STAG2: variants seen among roughly 807,000 people sequenced by gnomAD.
The protein encoded by STAG2 is STAG2 cohesin complex component.
STAG2 carries 14 observed loss-of-function variants against 108.1 expected under a neutral mutation model. That is an observed-to-expected ratio of 0.13 (90% CI 0.09 to 0.20). STAG2 has a LOEUF of 0.20. Ranked by LOEUF, STAG2 falls within the 10% of genes least tolerant of loss-of-function variation. STAG2 has a pLI of 1.00. For synonymous variants in STAG2, 307 were observed against 302.7 expected, an observed-to-expected ratio of 1.01 and a Z score of -0.15; for missense variants, 440 against 940.9, an observed-to-expected ratio of 0.47 and a Z score of 6.96.
intron 13 of STAG2, among the ~76,000 whole-genome samples, chrX:124,054,845 C>G (rs2058147950): frequency 9.0e-6 from 1 of 111,612 alleles, no homozygotes; most frequent in Admixed American, 9.5e-5. Context: ...CAGCCTCGCC[C>G]TCCCAGGCTC....
chrX:124,071,940 A>G (rs17330700), intron 25 of STAG2, among the ~76,000 whole-genome samples: 19,980 of 110,844 alleles, frequency 0.18, 1,433 homozygotes, highest in East Asian at 0.39. Context: ...TTACTTTAGC[A>G]TGAGGTTATG....
intron 4 of STAG2, among the ~76,000 whole-genome samples, chrX:124,028,140 A>C (rs1339960675): frequency 9.0e-6 from 1 of 111,578 alleles, no homozygotes; most frequent in African/African-American, 3.3e-5. Flanking sequence ...CTGGGGACAA[A>C]AGCCTTTCAT....
At position 124,092,369 on chromosome X, in the gene STAG2, A is replaced by G. The variant is rs2059272276; in HGVS notation, c.3578+1405A>G. On this transcript the variant is annotated intron_variant, in intron 32 of 34. Coordinates refer to ENST00000371145, the MANE Select transcript of STAG2 (RefSeq NM_001042750.2). ...CACATTCCTTTTAATATAAGTTCTT[A>G]TTTTATGCTGGATCCTACAACTGAT... Among the ~76,000 whole-genome samples the G allele has an allele frequency of 1.8e-5, 2 of 111,316 alleles. 1 individual carries two copies. Among genetic ancestry groups the G allele is most frequent in the Non-Finnish European group, 3.8e-5 (2 of 52,971 alleles).
rs1015141062 is a variant in STAG2, at chrX:124,046,029, C to T, written c.667+661C>T. 9.9e-5 allele frequency among the ~76,000 whole-genome samples: 11 copies of T among 111,507 alleles called. No homozygotes were observed. The Admixed American group carries it at 1.1e-3, about 11-fold the overall frequency. On this transcript the variant is annotated intron_variant, in intron 8 of 34. Coordinates refer to ENST00000371145, the MANE Select transcript of STAG2 (RefSeq NM_001042750.2). ...TGAAATAAGGTATATTTTTATACCT[C>T]ATAACATCTGTTAGTTCCTCTTTTG...
At chrX:123,981,916 A>G (rs765935376) in intron 1 of STAG2, among the ~76,000 whole-genome samples, 25 of 111,776 alleles carry the variant, frequency 2.2e-4, no homozygotes, top group Non-Finnish European at 4.3e-4. Flanking sequence ...AATAATATAT[A>G]TATGTTAAGC....
Position 124,061,768 on chromosome X carries a change from T to TGCAAAAA in STAG2, c.1535-3_1535-2insGCAAAAA. 1 of 895,487 alleles carries TGCAAAAA rather than the reference T, an allele frequency of 1.1e-6. No individual in the cohort carries two copies. Among genetic ancestry groups the TGCAAAAA allele is most frequent in the Non-Finnish European group, 1.5e-6 (1 of 660,456 alleles). 73.8% of individuals were successfully genotyped at this position (895,487 alleles called of 1,213,427 possible). A position where few individuals can be genotyped will look rare whatever the true frequency, so the allele number is the denominator to read the frequency against. On this transcript the variant is annotated splice_polypyrimidine_tract_variant and splice_region_variant and intron_variant, in intron 16 of 34. Transcript: ENST00000371145. The stretch of plus-strand genomic sequence containing the variant: ...CTTTTTTTTTTTTTTTTTTTTTTTT[T>TGCAAAAA]AGCACTAACAGATAGGCAAGAGAGT...
intron 1 of STAG2, among the ~76,000 whole-genome samples, chrX:123,976,539 A>G (rs1313534583): frequency 3.6e-5 from 4 of 111,049 alleles, no homozygotes; most frequent in African/African-American, 1.3e-4. Context: ...TTTTAAAGAA[A>G]TGTAAACCTG....
intron 1 of STAG2, among the ~76,000 whole-genome samples, chrX:123,989,716 G>T (rs1437147965): frequency 9.4e-6 from 1 of 106,219 alleles, no homozygotes; most frequent in African/African-American, 3.4e-5. Flanking sequence ...GCAGTTCTCT[G>T]CCTCAGCCTC....
intron 20 of STAG2, among the ~76,000 whole-genome samples, chrX:124,064,444 G>GTTT (rs757340317): frequency 2.1e-5 from 2 of 96,238 alleles, no homozygotes; most frequent in Admixed American, 1.1e-4. Context: ...AGGACATTAT[G>GTTT]TTTTTTTTTT....
intron 1 of STAG2, among the ~76,000 whole-genome samples, chrX:123,968,018 A>C (rs1265323211): frequency 9.2e-6 from 1 of 109,061 alleles, no homozygotes; most frequent in Non-Finnish European, 1.9e-5. Flanking sequence ...CTCCTGCCTT[A>C]GCCTCTCAAG....
chrX:124,018,105 C>G (rs1216591729), intron 1 of STAG2, among the ~76,000 whole-genome samples: 1 of 111,747 alleles, frequency 8.9e-6, no homozygotes, highest in East Asian at 2.8e-4. Flanking sequence ...GTGATTGAGA[C>G]TTAATGCAAA....
Position 124,090,886 on chromosome X carries a change from A to G in STAG2, c.3500A>G (p.Gln1167Arg). The change falls in exon 32 of 35, where the codon CAA becomes CGA. Residue 1167 changes from glutamine to arginine, a missense_variant. Gln to Arg is a conservative substitution (Grantham distance 43, BLOSUM62 1). Around this residue, in one of 3 missense-constraint regions of STAG2, gnomAD observed 337 missense variants for 649.3 expected, o/e 0.52. Coordinates refer to ENST00000371145, the MANE Select transcript of STAG2 (RefSeq NM_001042750.2). ...GTAACATGGATGTTAGCTCAAAGACAACAAGAGGAAGCAAGGCAACAGCAG... is the reference window on the plus strand; with the variant it reads ...GTAACATGGATGTTAGCTCAAAGACGACAAGAGGAAGCAAGGCAACAGCAG... ...TQVTWMLAQR[Q>R]QEEARQQQER... The G allele has an allele frequency of 6.6e-6, 8 of 1,211,743 alleles. No individual in the cohort carries two copies. Among genetic ancestry groups the G allele is most frequent in the Non-Finnish European group, 8.9e-6 (8 of 895,344 alleles).
chrX:124,080,335 T>C (rs1452343826), intron 27 of STAG2, among the ~76,000 whole-genome samples: 1 of 111,354 alleles, frequency 9.0e-6, no homozygotes, highest in African/African-American at 3.3e-5. Flanking sequence ...TGCAGATATT[T>C]CCTCAACATG....
chrX:124,098,617 T>G (rs991531045), intron 34 of STAG2, among the ~76,000 whole-genome samples: 9 of 111,606 alleles, frequency 8.1e-5, no homozygotes, highest in African/African-American at 2.9e-4. Flanking sequence ...GGGAAGTAAC[T>G]CAAAGCACCC....
chrX:123,990,813 C>T (rs1285719589), intron 1 of STAG2, among the ~76,000 whole-genome samples: 2 of 111,992 alleles, frequency 1.8e-5, no homozygotes, highest in Admixed American at 9.5e-5. Flanking sequence ...TCGCATAACT[C>T]TAACTGCTCT....
intron 1 of STAG2, among the ~76,000 whole-genome samples, chrX:123,965,613 CAG>C (rs954778854): frequency 2.7e-5 from 3 of 111,856 alleles, no homozygotes; most frequent in African/African-American, 6.5e-5. Context: ...AGGTAGTAAA[CAG>C]AGAATAGCAT....
intron 30 of STAG2, 37 bp downstream of exon 30, chrX:124,086,807 A>T: frequency 1.0e-6 from 1 of 1,002,341 alleles, no homozygotes. Context: ...ATTTATCCCT[A>T]ATGTTTACCA....
rs1253128539 is a variant in STAG2, at chrX:124,102,551, T to A, written c.*1954T>A. The A allele has an allele frequency of 6.7e-6, 1 of 149,808 alleles. No homozygotes were observed. Among genetic ancestry groups the A allele is most frequent in the African/African-American group, 3.1e-5 (1 of 32,713 alleles). 12.3% of individuals were successfully genotyped at this position (149,808 alleles called of 1,213,427 possible). ...AGGGGGAGGGTGGCTATAAATGGTT[T>A]GCAAATTTATATCTATTATCACATC... On this transcript the variant is annotated 3_prime_UTR_variant, in exon 35 of 35. Transcript: ENST00000371145.
intron 1 of STAG2, among the ~76,000 whole-genome samples, chrX:123,990,420 G>A (rs1250372186): frequency 8.9e-6 from 1 of 111,887 alleles, no homozygotes; most frequent in Non-Finnish European, 1.9e-5. Context: ...AGTTACTTAG[G>A]TATGGAGGGT....
Sources: allele counts gnomAD v4.1 joint callset (sites outside exome capture counted in the v4.1 genomes callset), GRCh38; gene constraint gnomAD v4.1.1; regional missense constraint gnomAD v4.1.1; transcripts MANE v1.5; gene names NCBI Gene and HGNC (gene_info 2026-07-23, HGNC 2026-07-21).